SLC2A10: variants seen among roughly 807,000 people sequenced by gnomAD.
SLC2A10 encodes the protein solute carrier family 2, facilitated glucose transporter member 10.
Under a neutral mutation model 32.1 loss-of-function variants are expected in SLC2A10, and 25 were observed. The ratio of observed to expected loss-of-function variants is 0.78; its 90% CI spans 0.57 to 1.09. SLC2A10 has a LOEUF of 1.09. Among genes scored for constraint, SLC2A10 ranks in the 50% least tolerant of loss-of-function variants. The pLI is 0.00. For missense variants in SLC2A10, 673 were observed against 686.5 expected (o/e 0.98, Z 0.22); for synonymous variants, 332 against 309.6 (o/e 1.07, Z -0.76).
intron 4 of SLC2A10, among the ~76,000 whole-genome samples, chr20:46,730,632 A>G (rs370618889): frequency 3.9e-5 from 6 of 152,308 alleles, no homozygotes; most frequent in South Asian, 2.1e-4. Context: ...GTGTGCCTGG[A>G]ACAGAGGGAG....
chr20:46,724,875 C>CGGACGGATGGATGGATGGAT (rs1555887757), intron 1 of SLC2A10, among the ~76,000 whole-genome samples, 166 bp from the exon 2 acceptor site: 1 of 139,758 alleles, frequency 7.2e-6, no homozygotes, highest in South Asian at 2.4e-4. Flanking sequence ...GATGGATGGA[C>CGGACGGATGGATGGATGGAT]GGATGGATGG....
intron 1 of SLC2A10, among the ~76,000 whole-genome samples, chr20:46,719,576 G>A (rs956224915): frequency 6.6e-6 from 1 of 152,124 alleles, no homozygotes; most frequent in African/African-American, 2.4e-5. Context: ...TCACTACCAC[G>A]AAACAGTATG....
chr20:46,734,709 G>T lies in SLC2A10; in HGVS notation c.*875G>T, dbSNP rs1600676291. 1 of 152,320 alleles carries T rather than the reference G, an allele frequency of 6.6e-6. No individual in the cohort carries two copies. Among genetic ancestry groups the T allele is most frequent in the African/African-American group, 2.4e-5 (1 of 41,432 alleles). 9.4% of individuals were successfully genotyped at this position (152,320 alleles called of 1,614,324 possible). On this transcript the variant is annotated 3_prime_UTR_variant, in exon 5 of 5. Transcript: ENST00000359271. ...GCTGTAGGAATGACCACGGGCCTCA[G>T]TTTCCCCATTTGTATAATGGGAAGC...
intron 1 of SLC2A10, among the ~76,000 whole-genome samples, chr20:46,715,786 C>T (rs1453517789): frequency 3.3e-5 from 5 of 152,162 alleles, no homozygotes; most frequent in African/African-American, 1.2e-4. Context: ...GGACTGTGGA[C>T]CCAGACAGCC....
At chr20:46,721,695 T>G (rs1979564061) in intron 1 of SLC2A10, among the ~76,000 whole-genome samples, 1 of 152,250 alleles carries the variant, frequency 6.6e-6, no homozygotes, top group South Asian at 2.1e-4. Context: ...GGCTCTGCTC[T>G]CATCTGTGTT....
At chr20:46,711,801 TG>T (rs1389805947) in intron 1 of SLC2A10, among the ~76,000 whole-genome samples, 3 of 152,192 alleles carry the variant, frequency 2.0e-5, no homozygotes, top group Non-Finnish European at 4.4e-5. Context: ...CACTTTGACC[TG>T]GGAGAGTCTG....
chr20:46,721,421 CA>C (rs1299532770), intron 1 of SLC2A10, among the ~76,000 whole-genome samples: 10 of 139,824 alleles, frequency 7.2e-5, no homozygotes, highest in Admixed American at 4.4e-4. Context: ...GGGGGCCCTA[CA>C]AATCCCTCAA....
Position 46,725,223 on chromosome 20 carries a change from C to T in SLC2A10, c.187C>T (p.Leu63=), listed in dbSNP as rs1979814711. 2.5e-6 allele frequency: 4 copies of T among 1,614,190 alleles called. No homozygotes were observed. The highest frequency in any genetic ancestry group is 2.2e-5 in the South Asian group (2 of 91,088). The change falls in exon 2 of 5, where the codon CTG becomes TTG. Residue 63 remains leucine, a synonymous_variant. Coordinates refer to ENST00000359271, the MANE Select transcript of SLC2A10 (RefSeq NM_030777.4). ...GCTCCTGGGGGCTCTCCTCGCCTCCCTGGTTGGTGGCTTCCTCATTGACTG... is the reference window on the plus strand; with the variant it reads ...GCTCCTGGGGGCTCTCCTCGCCTCCTTGGTTGGTGGCTTCCTCATTGACTG... ...SLLLGALLAS[L]VGGFLIDCYG...
At chr20:46,709,532 G>A (rs893823649), upstream of SLC2A10, 6 of 565,990 alleles carry the variant, frequency 1.1e-5, no homozygotes, top group Non-Finnish European at 1.7e-5. Flanking sequence ...GCGGTCCTGG[G>A]CTCCCCTCCG....
At position 46,734,045 on chromosome 20, in the gene SLC2A10, G is replaced by C; in HGVS notation, c.*211G>C. 1 of 617,262 alleles carries C rather than the reference G, an allele frequency of 1.6e-6. No individual in the cohort carries two copies. The highest frequency in any genetic ancestry group is 1.9e-5 in the South Asian group (1 of 53,920). The allele number at this position is 617,262 out of a possible 1,614,324, so 38.2% of individuals were successfully genotyped here. On this transcript the variant is annotated 3_prime_UTR_variant, in exon 5 of 5. Coordinates refer to ENST00000359271, the MANE Select transcript of SLC2A10 (RefSeq NM_030777.4). Reference sequence around the variant, plus strand: ...AGTCTCAGGCCCTGAAGGTTCCTGAGGATCTAGCTTCATGCCTCAGTTTCC... The same window carrying C: ...AGTCTCAGGCCCTGAAGGTTCCTGACGATCTAGCTTCATGCCTCAGTTTCC...
Position 46,729,454 on chromosome 20 carries a change from T to C in SLC2A10, c.1513T>C (p.Leu505=). 24 of 1,613,966 alleles carry C rather than the reference T, an allele frequency of 1.5e-5. No homozygotes were observed. The highest frequency in any genetic ancestry group is 2.0e-5 in the Non-Finnish European group (24 of 1,179,970). The change falls in exon 4 of 5, where the codon TTG becomes CTG. Residue 505 remains leucine (L), a synonymous_variant. Transcript: ENST00000359271. The part of the protein sequence containing the change: ...LFVPETKGQS[L]AEIDQQFQKR... ...TGTTCCTGAAACAAAAGGCCAGTCG[T>C]TGGCAGAGATAGACCAGCAGTTCCA...
chr20:46,710,434 A>C, intron 1 of SLC2A10: 1 of 166,870 alleles, frequency 6.0e-6, no homozygotes, highest in Non-Finnish European at 1.3e-5. Context: ...CCTCTCTCTC[A>C]TGGAGGTGGC....
rs762605429 is a variant in SLC2A10, at chr20:46,725,328, C to T, written c.292C>T (p.Leu98=). The change falls in exon 2 of 5, where the codon CTG becomes TTG. Residue 98 remains leucine (L), a synonymous_variant. Coordinates refer to ENST00000359271, the MANE Select transcript of SLC2A10 (RefSeq NM_030777.4). ...CCTGACCCTGGGCCTGGCTGGTTCC[C>T]TGGCCTGGCTGGTCCTGGGCCGCGC... ...GSLTLGLAGS[L]AWLVLGRAVV... is the part of the protein sequence containing the mutation. 5 of 1,613,988 alleles carry T rather than the reference C, an allele frequency of 3.1e-6. No individual in the cohort carries two copies. The highest frequency in any genetic ancestry group is 2.5e-6 in the Non-Finnish European group (3 of 1,180,040).
intron 1 of SLC2A10, among the ~76,000 whole-genome samples, chr20:46,711,839 C>T (rs143766174): frequency 6.6e-6 from 1 of 152,192 alleles, no homozygotes; most frequent in Admixed American, 6.5e-5. Flanking sequence ...CTATCAAATA[C>T]CCTTATCACA....
intron 1 of SLC2A10, 125 bp downstream of exon 1, chr20:46,709,865 G>T (rs921001373): frequency 8.3e-7 from 1 of 1,205,356 alleles, no homozygotes; most frequent in African/African-American, 1.6e-5. Flanking sequence ...GCCGGATACC[G>T]CCTCTCGGGT....
chr20:46,716,060 T>G (rs1468602055), intron 1 of SLC2A10, among the ~76,000 whole-genome samples: 1 of 152,060 alleles, frequency 6.6e-6, no homozygotes, highest in African/African-American at 2.4e-5. Context: ...ACTTACTACT[T>G]TTGACCTTAA....
At chr20:46,726,665 T>C (rs1313388744) in intron 2 of SLC2A10, among the ~76,000 whole-genome samples, 199 bp from the exon 3 acceptor site, 1 of 152,102 alleles carries the variant, frequency 6.6e-6, no homozygotes, top group East Asian at 1.9e-4. Context: ...GCATTGAAAG[T>C]CTCATGTCTC....
upstream of SLC2A10, among the ~76,000 whole-genome samples, chr20:46,708,365 T>C (rs1426272299): frequency 1.3e-5 from 2 of 152,224 alleles, no homozygotes; most frequent in Non-Finnish European, 2.9e-5. Flanking sequence ...GCTGGGCTTG[T>C]ACGTGCATTT....
chr20:46,724,445 G>T (rs1267808097), intron 1 of SLC2A10, among the ~76,000 whole-genome samples: 1 of 152,162 alleles, frequency 6.6e-6, no homozygotes, highest in African/African-American at 2.4e-5. Context: ...TTGATGGATG[G>T]TTGGGTGAAT....
Sources: allele counts gnomAD v4.1 joint callset (sites outside exome capture counted in the v4.1 genomes callset), GRCh38; gene constraint gnomAD v4.1.1; transcripts MANE v1.5; gene names NCBI Gene and HGNC (gene_info 2026-07-23, HGNC 2026-07-21).